Variants in SLC17A3 observed in about 807,000 individuals in gnomAD.
SLC17A3 encodes the protein solute carrier family 17 member 3.
Under a neutral mutation model 60.3 loss-of-function variants are expected in SLC17A3, and 61 were observed. The ratio of observed to expected loss-of-function variants is 1.01; its 90% confidence interval spans 0.82 to 1.25. The LOEUF (loss-of-function observed/expected upper bound fraction) is 1.25. SLC17A3 is among the 50% of genes most tolerant of loss of function. The pLI, the probability that SLC17A3 is intolerant of heterozygous loss-of-function variation, is 0.00. For missense variants in SLC17A3, 624 were observed against 594.9 expected (o/e 1.05, Z -0.51); for synonymous variants, 192 against 208.9 (o/e 0.92, Z 0.70).
At chr6:25,873,116 A>G (rs1765671937) in intron 1 of SLC17A3, among the ~76,000 whole-genome samples, 1 of 152,114 alleles carries the variant, frequency 6.6e-6, no homozygotes, top group Non-Finnish European at 1.5e-5. Flanking sequence ...GAAGTAATCT[A>G]GAGGGAAATC....
intron 2 of SLC17A3, among the ~76,000 whole-genome samples, chr6:25,865,185 C>CAT (rs1384390300): frequency 6.6e-6 from 1 of 151,988 alleles, no homozygotes. Flanking sequence ...TACTGTAGCA[C>CAT]ATATATATGG....
chr6:25,853,954 T>A (rs1214281573), intron 6 of SLC17A3, among the ~76,000 whole-genome samples: 1 of 152,192 alleles, frequency 6.6e-6, no homozygotes. Context: ...CCCTCGTGTC[T>A]TTTTCTTTAA....
intron 1 of SLC17A3, 83 bp from the exon 2 acceptor site, chr6:25,868,503 A>AG: frequency 1.1e-6 from 1 of 906,374 alleles, no homozygotes; most frequent in Non-Finnish European, 1.8e-6. Context: ...GGCACCAAGG[A>AG]AAAAAAAGCT....
chr6:25,863,479 G>A (rs1461888054), intron 2 of SLC17A3, among the ~76,000 whole-genome samples: 1 of 152,104 alleles, frequency 6.6e-6, no homozygotes, highest in Non-Finnish European at 1.5e-5. Flanking sequence ...CAGCTCTTTG[G>A]AACTCTCTCC....
chr6:25,865,716 G>T (rs189252324), intron 2 of SLC17A3, among the ~76,000 whole-genome samples: 1 of 152,038 alleles, frequency 6.6e-6, no homozygotes, highest in East Asian at 1.9e-4. Flanking sequence ...AAAGTTATTT[G>T]TGTCCTGTGT....
chr6:25,853,356 G>A (rs1180983923), intron 6 of SLC17A3, among the ~76,000 whole-genome samples: 1 of 129,900 alleles, frequency 7.7e-6, no homozygotes, highest in Non-Finnish European at 1.6e-5. Flanking sequence ...ATAACCAATT[G>A]TAAATTGAAC....
At chr6:25,854,104 C>A (rs996677394) in intron 6 of SLC17A3, among the ~76,000 whole-genome samples, 1 of 152,100 alleles carries the variant, frequency 6.6e-6, no homozygotes, top group Non-Finnish European at 1.5e-5. Flanking sequence ...TTTGTTCCAT[C>A]TTATTTTTGT....
At chr6:25,846,251 G>A (rs930819608) in intron 11 of SLC17A3, among the ~76,000 whole-genome samples, 2 of 152,102 alleles carry the variant, frequency 1.3e-5, no homozygotes, top group African/African-American at 2.4e-5. Flanking sequence ...TGAATGCAAT[G>A]AAACCAAAAC....
chr6:25,863,608 A>G (rs1394034235), intron 2 of SLC17A3, among the ~76,000 whole-genome samples: 1 of 152,014 alleles, frequency 6.6e-6, no homozygotes, highest in Non-Finnish European at 1.5e-5. Flanking sequence ...AGGGACTTCA[A>G]TCGATGAGAC....
intron 11 of SLC17A3, among the ~76,000 whole-genome samples, chr6:25,847,917 T>A (rs1028118450): frequency 1.3e-5 from 2 of 151,948 alleles, no homozygotes; most frequent in African/African-American, 4.8e-5. Context: ...TCCCCCTGAG[T>A]CCTCAAAGTC....
intron 1 of SLC17A3, among the ~76,000 whole-genome samples, chr6:25,869,913 A>C (rs778125791): frequency 5.9e-5 from 9 of 152,006 alleles, no homozygotes; most frequent in Non-Finnish European, 1.2e-4. Flanking sequence ...TTATTCTAAA[A>C]TCCATCCATG....
rs186569514 is a variant in SLC17A3, at chr6:25,850,716, C to T, written c.831+43G>A. 1.9e-5 allele frequency: 30 copies of T among 1,604,342 alleles called. No homozygotes were observed. The East Asian group carries it at 5.4e-4, about 29-fold the overall frequency. The stretch of plus-strand genomic sequence containing the variant: ...CCAGATTTAAGGCCTCAAGAAAATC[C>T]AGATACAAGGTCTCAGAAAAGTGTT... On this transcript the variant is annotated intron_variant, in intron 7 of 12. Transcript: ENST00000397060.
Position 25,862,031 on chromosome 6 carries a change from T to C in SLC17A3, c.304-2A>G, listed in dbSNP as rs1561858352. 1 of 1,595,550 alleles carries C rather than the reference T, an allele frequency of 6.3e-7. No homozygotes were observed. The highest frequency in any genetic ancestry group is 1.1e-5 in the South Asian group (1 of 88,356). On this transcript the variant is annotated splice_acceptor_variant, in intron 3 of 12. Coordinates refer to ENST00000397060, the MANE Select transcript of SLC17A3 (RefSeq NM_001098486.2). LOFTEE classifies it high-confidence loss of function. ...AGGAGACCAGTCATACACAGGAGCC[T>C]TAGAGAAACAGAGAATGCTGTAGTA...
intron 5 of SLC17A3, 66 bp from the exon 6 acceptor site, chr6:25,855,296 A>G (rs1765340850): frequency 6.6e-6 from 7 of 1,066,656 alleles, no homozygotes; most frequent in Admixed American, 1.8e-5. Context: ...ATACAAATTG[A>G]TAGATGACAT....
chr6:25,866,476 C>T (rs1200382900), intron 2 of SLC17A3, among the ~76,000 whole-genome samples: 1 of 151,974 alleles, frequency 6.6e-6, no homozygotes, highest in Non-Finnish European at 1.5e-5. Context: ...AGAAGAAGAA[C>T]CAGTTAAGCC....
chr6:25,859,736 A>G (rs114050961), intron 5 of SLC17A3, among the ~76,000 whole-genome samples: 1 of 152,186 alleles, frequency 6.6e-6, no homozygotes. Flanking sequence ...ATCAGTGGTA[A>G]GGCTGGTGCA....
intron 1 of SLC17A3, 197 bp from the exon 2 acceptor site, chr6:25,868,617 T>A: frequency 1.9e-6 from 1 of 515,602 alleles, no homozygotes; most frequent in Non-Finnish European, 3.5e-6. Flanking sequence ...TTTATTAGGA[T>A]CTAGAGTGCT....
chr6:25,850,371 T>C, intron 8 of SLC17A3, 88 bp downstream of exon 8: 1 of 1,453,902 alleles, frequency 6.9e-7, no homozygotes, highest in Non-Finnish European at 9.6e-7. Flanking sequence ...TAATAAGAAA[T>C]ACATTTCTCA....
At position 25,845,487 on chromosome 6, in the gene SLC17A3, G is replaced by A; in HGVS notation, c.1392C>T (p.Phe464=). The change falls in exon 12 of 13, where the codon TTC becomes TTT. Residue 464 remains phenylalanine, a synonymous_variant. Transcript: ENST00000397060. ...ACAGGTTAACGGCAAACAGCAAGAA[G>A]AAGACATTCCTCCACCCAAACTCAG... ...QDPEFGWRNV[F]FLLFAVNLLG... The A allele has an allele frequency of 6.2e-7, 1 of 1,614,036 alleles. No individual in the cohort carries two copies. The highest frequency in any genetic ancestry group is 8.5e-7 in the Non-Finnish European group (1 of 1,179,956).
Sources: gnomAD v4.1 joint callset for allele counts (sites outside exome capture counted in the v4.1 genomes callset) on GRCh38, gnomAD v4.1.1 for gene constraint, MANE v1.5 for transcripts, NCBI Gene and HGNC (gene_info 2026-07-23, HGNC 2026-07-21) for gene names.